Variants in DIS3L2 observed in about 807,000 individuals in gnomAD.
The protein encoded by DIS3L2 is DIS3 like 3'-5' exoribonuclease 2.
In DIS3L2, 34 loss-of-function variants were observed where a neutral mutation model predicts 97.5. The observed-to-expected ratio is 0.35, with a 90% confidence interval of 0.27 to 0.46. The LOEUF is 0.46. Ranked by LOEUF, DIS3L2 falls within the 20% of genes least tolerant of loss-of-function variation. The pLI is 1.00. For missense variants in DIS3L2, 1,038 were observed against 1,146.0 expected (o/e 0.91, Z 1.36); for synonymous variants, 435 against 445.2 (o/e 0.98, Z 0.29).
intron 12 of DIS3L2, among the ~76,000 whole-genome samples, chr2:232,259,254 T>G (rs1019664318): frequency 6.6e-6 from 1 of 152,034 alleles, no homozygotes; most frequent in Non-Finnish European, 1.5e-5. Context: ...AAGGGACATC[T>G]TATCTATCTT....
chr2:232,092,785 T>C (rs1696883664), intron 6 of DIS3L2, among the ~76,000 whole-genome samples: 1 of 152,200 alleles, frequency 6.6e-6, no homozygotes, highest in Non-Finnish European at 1.5e-5. Flanking sequence ...TCTAATAGTT[T>C]TTTGGTGAAG....
intron 9 of DIS3L2, among the ~76,000 whole-genome samples, chr2:232,196,406 C>T (rs746568797): frequency 1.5e-4 from 23 of 152,166 alleles, no homozygotes; most frequent in Non-Finnish European, 2.2e-4. Flanking sequence ...TTTTATAAAA[C>T]GGTGCCAGGC....
chr2:232,198,932 T>C (rs1292591466), intron 9 of DIS3L2, among the ~76,000 whole-genome samples: 1 of 152,242 alleles, frequency 6.6e-6, no homozygotes, highest in Non-Finnish European at 1.5e-5. Flanking sequence ...ATCAGTACTT[T>C]CAGTGCCCCT....
At chr2:232,284,412 A>G (rs1694373957) in intron 13 of DIS3L2, among the ~76,000 whole-genome samples, 1 of 152,188 alleles carries the variant, frequency 6.6e-6, no homozygotes, top group Non-Finnish European at 1.5e-5. Flanking sequence ...AGTCTGGCAG[A>G]ATGTGTTGAT....
chr2:232,219,034 G>A (rs538033130), intron 10 of DIS3L2, among the ~76,000 whole-genome samples: 5 of 152,272 alleles, frequency 3.3e-5, no homozygotes, highest in Non-Finnish European at 7.4e-5. Context: ...CCTGCCTCCA[G>A]GCCTCTGCCT....
At chr2:232,220,430 G>A (rs72994253) in intron 10 of DIS3L2, among the ~76,000 whole-genome samples, 1 of 152,026 alleles carries the variant, frequency 6.6e-6, no homozygotes, top group Non-Finnish European at 1.5e-5. Context: ...ATTTGAGGGC[G>A]GGGTGCGATG....
intron 1 of DIS3L2, among the ~76,000 whole-genome samples, chr2:231,966,641 A>ATTTTTTTTTTTTTTTTTTTTTT (rs36151054): frequency 2.0e-5 from 1 of 50,358 alleles, no homozygotes. Context: ...GTTAAAAAAC[A>ATTTTTTTTTTTTTTTTTTTTTT]TTTTTTTTTT....
chr2:232,117,600 C>T (rs539915534), intron 6 of DIS3L2, among the ~76,000 whole-genome samples: 1 of 152,302 alleles, frequency 6.6e-6, no homozygotes, highest in South Asian at 2.1e-4. Flanking sequence ...GCTTTAATGA[C>T]TCTCTGGCTC....
intron 7 of DIS3L2, chr2:232,131,828 G>A (rs1698224867): frequency 6.6e-6 from 1 of 150,932 alleles, no homozygotes; most frequent in African/African-American, 2.4e-5. Context: ...GCTCCAGGCA[G>A]CATGCTAAGT....
intron 5 of DIS3L2, among the ~76,000 whole-genome samples, chr2:232,081,046 G>T (rs1696375263): frequency 6.6e-6 from 1 of 152,064 alleles, no homozygotes; most frequent in Non-Finnish European, 1.5e-5. Context: ...GGCAAAACTG[G>T]GTTATTTGTT....
intron 9 of DIS3L2, among the ~76,000 whole-genome samples, chr2:232,175,478 A>G (rs1393691770): frequency 3.9e-5 from 6 of 152,092 alleles, no homozygotes; most frequent in Admixed American, 3.3e-4. Context: ...TTTTCTTGTG[A>G]TAACTTTGGT....
intron 5 of DIS3L2, among the ~76,000 whole-genome samples, chr2:232,070,240 T>C (rs1391924029): frequency 2.0e-5 from 3 of 152,188 alleles, no homozygotes; most frequent in African/African-American, 7.2e-5. Flanking sequence ...CACGCCAGCC[T>C]GGGCAACAGA....
chr2:231,989,040 T>C (rs1300617840), intron 1 of DIS3L2, among the ~76,000 whole-genome samples: 1 of 152,306 alleles, frequency 6.6e-6, no homozygotes, highest in East Asian at 1.9e-4. Flanking sequence ...CAACCCTTTT[T>C]TCCTTTGTCT....
intron 5 of DIS3L2, among the ~76,000 whole-genome samples, chr2:232,072,365 A>G (rs1049780595): frequency 6.6e-6 from 1 of 152,206 alleles, no homozygotes; most frequent in African/African-American, 2.4e-5. Context: ...GACTTTGGGA[A>G]GAAACAAAGG....
intron 6 of DIS3L2, among the ~76,000 whole-genome samples, chr2:232,128,238 G>A (rs1298300740): frequency 2.0e-5 from 3 of 152,040 alleles, no homozygotes; most frequent in Non-Finnish European, 2.9e-5. Flanking sequence ...TTACAGGCGT[G>A]AGCCAACATG....
intron 1 of DIS3L2, among the ~76,000 whole-genome samples, chr2:231,967,715 C>T (rs754243948): frequency 5.3e-5 from 8 of 151,960 alleles, no homozygotes; most frequent in East Asian, 1.9e-4. Context: ...CTTTATGTTT[C>T]ACTGAATTTT....
At chr2:232,018,795 G>A (rs1694425515) in intron 3 of DIS3L2, among the ~76,000 whole-genome samples, 2 of 151,774 alleles carry the variant, frequency 1.3e-5, no homozygotes, top group Admixed American at 1.3e-4. Context: ...TTTCCTATGT[G>A]GGGAGGAGAC....
intron 14 of DIS3L2, among the ~76,000 whole-genome samples, chr2:232,320,947 A>G (rs1228305163): frequency 1.3e-5 from 2 of 152,186 alleles, no homozygotes; most frequent in Non-Finnish European, 2.9e-5. Context: ...CCACAGGACC[A>G]TGGAGCCAGG....
intron 1 of DIS3L2, among the ~76,000 whole-genome samples, chr2:231,975,305 T>A (rs1693050573): frequency 6.6e-6 from 1 of 152,102 alleles, no homozygotes; most frequent in African/African-American, 2.4e-5. Flanking sequence ...CAGGATTCTA[T>A]AATTTCTTTC....
Sources: allele counts gnomAD v4.1 joint callset (sites outside exome capture counted in the v4.1 genomes callset), GRCh38; gene constraint gnomAD v4.1.1; transcripts MANE v1.5; gene names NCBI Gene and HGNC (gene_info 2026-07-23, HGNC 2026-07-21).